CTNNB1: variants seen among roughly 807,000 people sequenced by gnomAD.
CTNNB1 encodes the protein catenin beta-1.
Under a neutral mutation model 82.5 loss-of-function variants are expected in CTNNB1, and 6 were observed. The ratio of observed to expected loss-of-function variants is 0.07; its 90% CI spans 0.04 to 0.14. The LOEUF (loss-of-function observed/expected upper bound fraction) is 0.14. Ranked by LOEUF, CTNNB1 falls within the 10% of genes least tolerant of loss-of-function variation. The probability of loss-of-function intolerance (pLI) is 1.00; values close to 1 mark genes in which losing one functional copy is unlikely to be tolerated. For synonymous variants in CTNNB1, 312 were observed against 329.7 expected (o/e 0.95, Z 0.58); for missense variants, 529 against 980.4 (o/e 0.54, Z 6.15).
chr3:41,208,211 A>AT (rs1177583039), intron 1 of CTNNB1, among the ~76,000 whole-genome samples: 2 of 152,144 alleles, frequency 1.3e-5, no homozygotes, highest in East Asian at 3.8e-4. Context: ...ATGCCAGAAT[A>AT]TAAGTCACCT....
intron 1 of CTNNB1, 48 bp from the exon 2 acceptor site, chr3:41,223,973 A>C: frequency 7.6e-7 from 1 of 1,322,064 alleles, no homozygotes; most frequent in South Asian, 1.2e-5. Context: ...TAGGAGTATT[A>C]ATCAAGCTAA....
intron 7 of CTNNB1, among the ~76,000 whole-genome samples, chr3:41,231,123 C>G (rs988976698): frequency 2.0e-5 from 3 of 151,944 alleles, no homozygotes; most frequent in African/African-American, 7.3e-5. Context: ...GTCAGGAGAT[C>G]GAGACCAGCC....
chr3:41,207,400 T>C (rs1190680000), intron 1 of CTNNB1, among the ~76,000 whole-genome samples: 1 of 152,180 alleles, frequency 6.6e-6, no homozygotes, highest in Non-Finnish European at 1.5e-5. Context: ...TCTATTACAT[T>C]TGTCTGAAAA....
chr3:41,233,492 A>C, intron 8 of CTNNB1, 37 bp from the exon 9 acceptor site: 1 of 1,613,122 alleles, frequency 6.2e-7, no homozygotes, highest in Non-Finnish European at 8.5e-7. Flanking sequence ...CAAGATGAGT[A>C]TGTGCTTGTA....
At chr3:41,220,624 A>G (rs2125610090) in intron 1 of CTNNB1, 1 of 152,360 alleles carries the variant, frequency 6.6e-6, no homozygotes, top group Non-Finnish European at 1.5e-5. Context: ...AATTTTACTA[A>G]GAACTTTTTA....
At chr3:41,211,555 CTCTG>C (rs898060916) in intron 1 of CTNNB1, among the ~76,000 whole-genome samples, 2 of 152,132 alleles carry the variant, frequency 1.3e-5, no homozygotes, top group Admixed American at 6.5e-5. Context: ...CTGTTCTTGT[CTCTG>C]TCTATTGTAT....
chr3:41,239,336 C>T lies in CTNNB1; in HGVS notation c.2340C>T (p.Asp780=), dbSNP rs2293303. 14,190 of 1,613,700 alleles carry T rather than the reference C, an allele frequency of 8.8e-3. 933 individuals carry two copies. In the Admixed American group the frequency reaches 0.12, roughly 14 times the overall value. Residue 780 remains aspartate, a synonymous_variant, in exon 15 of 15, where the codon GAC becomes GAT. Transcript: ENST00000349496. ...ATCAGCTGGCCTGGTTTGATACTGA[C>T]CTGTAAATCATCCTTTAGGTAAGAA... is the stretch of plus-strand genomic sequence containing the variant. ...DSNQLAWFDT[D]L
chr3:41,205,757 G>A (rs2077634521), intron 1 of CTNNB1, among the ~76,000 whole-genome samples: 1 of 152,102 alleles, frequency 6.6e-6, no homozygotes, highest in African/African-American at 2.4e-5. Context: ...GGCCGGTGTT[G>A]GTTTAAAAAG....
At chr3:41,223,905 A>G in intron 1 of CTNNB1, 116 bp from the exon 2 acceptor site, 1 of 725,080 alleles carries the variant, frequency 1.4e-6, no homozygotes, top group South Asian at 1.8e-5. Context: ...CTGGTAAAAG[A>G]GGATATGGGT....
chr3:41,210,743 CAATCAT>C (rs1446921104), intron 1 of CTNNB1, among the ~76,000 whole-genome samples: 1 of 151,628 alleles, frequency 6.6e-6, no homozygotes, highest in Non-Finnish European at 1.5e-5. Context: ...AAACCTGTAA[CAATCAT>C]TATCATTATC....
intron 14 of CTNNB1, 60 bp downstream of exon 14, chr3:41,238,136 C>T (rs1357937776): frequency 1.4e-6 from 2 of 1,474,966 alleles, no homozygotes; most frequent in African/African-American, 2.8e-5. Flanking sequence ...AAACTTTTAT[C>T]AGAAGAGCCG....
intron 1 of CTNNB1, among the ~76,000 whole-genome samples, chr3:41,223,679 A>G (rs895845937): frequency 9.9e-5 from 15 of 152,228 alleles, no homozygotes; most frequent in African/African-American, 3.6e-4. Flanking sequence ...TTAGGAATTC[A>G]GAGAGCAGCT....
chr3:41,223,870 A>T, intron 1 of CTNNB1, 151 bp from the exon 2 acceptor site: 2 of 605,166 alleles, frequency 3.3e-6, no homozygotes, highest in Admixed American at 5.7e-5. Flanking sequence ...TCTGGAGGAG[A>T]CCATGAGGTC....
At chr3:41,228,720 A>G (rs1243159404) in intron 7 of CTNNB1, among the ~76,000 whole-genome samples, 2 of 152,132 alleles carry the variant, frequency 1.3e-5, no homozygotes, top group African/African-American at 2.4e-5. Flanking sequence ...GCTGCGCAGA[A>G]GCTCTTTATA....
At chr3:41,235,437 C>G in intron 10 of CTNNB1, 1 of 466,140 alleles carries the variant, frequency 2.1e-6, no homozygotes, top group Non-Finnish European at 3.9e-6. Context: ...ATACCTTTTA[C>G]CCAGAATGAT....
At position 41,239,388 on chromosome 3, in the gene CTNNB1, T is replaced by C; in HGVS notation, c.*46T>C. 1 of 1,523,888 alleles carries C rather than the reference T, an allele frequency of 6.6e-7. No individual in the cohort carries two copies. 94.4% of individuals were successfully genotyped at this position (1,523,888 alleles called of 1,614,324 possible). ...TTTTAAAAAGCCAGTTTGGGTAAAA[T>C]ACTTTTACTCTGCCTACAGAACTTC... On this transcript the variant is annotated 3_prime_UTR_variant, in exon 15 of 15. Transcript: ENST00000349496.
rs2078538266 is a variant in CTNNB1 at position 41,239,982 on chromosome 3, AG to A, written c.*641del. 1.1e-5 allele frequency: 1 copy of A among 91,060 alleles called. No individual in the cohort carries two copies. The highest frequency in any genetic ancestry group is 5.2e-5 in the African/African-American group (1 of 19,258). The allele number at this position is 91,060 out of a possible 1,614,324, so 5.6% of individuals were successfully genotyped here. On this transcript the variant is annotated 3_prime_UTR_variant, in exon 15 of 15. Coordinates refer to ENST00000349496, the MANE Select transcript of CTNNB1 (RefSeq NM_001904.4). ...GTACTGACTTTGCTTGCTTTGAAGT[AG>A]CTCTTTTTTTTTTTTTTTTTTTTTT...
chr3:41,240,349 T>TTTATCCCAAAGTTG lies in CTNNB1; in HGVS notation c.*1010_*1023dup, dbSNP rs766685457. On this transcript the variant is annotated 3_prime_UTR_variant, in exon 15 of 15. Coordinates refer to ENST00000349496, the MANE Select transcript of CTNNB1 (RefSeq NM_001904.4). ...GTTTTGGACAGTTTACCAGTTGCCTTTTATCCCAAAGTTGTTGTAACCTGC... is the reference window on the plus strand; with the variant it reads ...GTTTTGGACAGTTTACCAGTTGCCTTTTATCCCAAAGTTGTTATCCCAAAGTTGTTGTAACCTGC... The TTTATCCCAAAGTTG allele has an allele frequency of 2.1e-5, 4 of 188,854 alleles. No individual in the cohort carries two copies. Among genetic ancestry groups the TTTATCCCAAAGTTG allele is most frequent in the Non-Finnish European group, 4.5e-5 (4 of 89,454 alleles). 11.7% of individuals were successfully genotyped at this position (188,854 alleles called of 1,614,324 possible).
intron 6 of CTNNB1, 52 bp from the exon 7 acceptor site, chr3:41,227,156 A>C (rs2078194364): frequency 6.8e-7 from 1 of 1,464,330 alleles, no homozygotes; most frequent in Non-Finnish European, 9.5e-7. Context: ...CTCTTCTCAG[A>C]CATGTGATCA....
Sources: allele counts gnomAD v4.1 joint callset (sites outside exome capture counted in the v4.1 genomes callset), GRCh38; gene constraint gnomAD v4.1.1; transcripts MANE v1.5; gene names NCBI Gene and HGNC (gene_info 2026-07-23, HGNC 2026-07-21).